Variants in SORBS2 observed in about 807,000 individuals in gnomAD.
SORBS2 encodes the protein sorbin and SH3 domain-containing protein 2.
Under a neutral mutation model 97.7 loss-of-function variants are expected in SORBS2, and 46 were observed. The observed-to-expected ratio is 0.47, with a 90% CI of 0.37 to 0.60. The LOEUF is 0.60. Among genes scored for constraint, SORBS2 ranks in the 20% least tolerant of loss-of-function variants. The probability of loss-of-function intolerance (pLI) is 0.00; values close to 1 mark genes in which losing one functional copy is unlikely to be tolerated. For missense variants in SORBS2, 1,316 were observed against 1,282.3 expected, an observed-to-expected ratio of 1.03 and a Z score of -0.40; for synonymous variants, 476 against 473.4, an observed-to-expected ratio of 1.01 and a Z score of -0.07.
At chr4:185,742,941 C>T (rs1424257719) in intron 2 of SORBS2, among the ~76,000 whole-genome samples, 1 of 152,194 alleles carries the variant, frequency 6.6e-6, no homozygotes, top group East Asian at 1.9e-4. Flanking sequence ...CAGCATGAGT[C>T]AGCACCATCC....
chr4:185,610,827 C>T (rs922167631), intron 12 of SORBS2, among the ~76,000 whole-genome samples: 2 of 151,954 alleles, frequency 1.3e-5, no homozygotes, highest in African/African-American at 4.8e-5. Flanking sequence ...AATTAGGCAA[C>T]TTAATACATT....
intron 11 of SORBS2, among the ~76,000 whole-genome samples, chr4:185,613,543 G>A (rs1360411651): frequency 6.6e-6 from 1 of 151,172 alleles, no homozygotes; most frequent in Non-Finnish European, 1.5e-5. Context: ...AGCTAATCGG[G>A]AGGCTGAGGT....
At chr4:185,657,314 G>A (rs1322718354), upstream of SORBS2, 1 of 1,026,614 alleles carries the variant, frequency 9.7e-7, no homozygotes, top group Non-Finnish European at 1.3e-6. Flanking sequence ...ATGGCACGGA[G>A]GGCAATCCTC....
chr4:185,712,353 C>G (rs1043546194), intron 2 of SORBS2, among the ~76,000 whole-genome samples: 4 of 152,134 alleles, frequency 2.6e-5, no homozygotes, highest in African/African-American at 9.7e-5. Context: ...ACCTACCTGC[C>G]CATCCCCTGT....
chr4:185,871,652 C>T (rs537841324), intron 1 of SORBS2, among the ~76,000 whole-genome samples: 95 of 152,348 alleles, frequency 6.2e-4, no homozygotes, highest in African/African-American at 2.2e-3. Flanking sequence ...TCCTCTATGA[C>T]AGCAAGTCTT....
intron 2 of SORBS2, among the ~76,000 whole-genome samples, chr4:185,700,923 T>C (rs1012462741): frequency 5.3e-5 from 8 of 152,308 alleles, no homozygotes; most frequent in African/African-American, 1.9e-4. Flanking sequence ...CCACCAAAAA[T>C]AGGCAAGAAA....
chr4:185,612,152 C>T (rs960920105), intron 11 of SORBS2, among the ~76,000 whole-genome samples, 172 bp from the exon 24 acceptor site: 2 of 152,180 alleles, frequency 1.3e-5, no homozygotes, highest in African/African-American at 4.8e-5. Flanking sequence ...TAGAAAAATA[C>T]ACATGATCAA....
At chr4:185,945,490 G>T (rs2099274120) in intron 1 of SORBS2, among the ~76,000 whole-genome samples, 1 of 152,158 alleles carries the variant, frequency 6.6e-6, no homozygotes, top group African/African-American at 2.4e-5. Context: ...CAAATCCCAA[G>T]TTATTTCCCG....
intron 1 of SORBS2, among the ~76,000 whole-genome samples, chr4:185,898,107 CTA>C (rs1225161171): frequency 6.6e-6 from 1 of 152,192 alleles, no homozygotes; most frequent in African/African-American, 2.4e-5. Flanking sequence ...AGCAAAGTGA[CTA>C]TAATCCAACC....
At chr4:185,860,380 C>T (rs1036313299) in intron 1 of SORBS2, among the ~76,000 whole-genome samples, 2 of 152,168 alleles carry the variant, frequency 1.3e-5, no homozygotes, top group Non-Finnish European at 1.5e-5. Flanking sequence ...AAAGAGAGCA[C>T]GTGACAAAGC....
At chr4:185,664,338 G>A (rs952805196) in intron 4 of SORBS2, among the ~76,000 whole-genome samples, 7 of 152,078 alleles carry the variant, frequency 4.6e-5, no homozygotes, top group African/African-American at 1.4e-4. Context: ...AGCTCTGCTC[G>A]TGCCCACAAG....
At chr4:185,816,508 A>G (rs1252285873) in intron 1 of SORBS2, among the ~76,000 whole-genome samples, 1 of 152,246 alleles carries the variant, frequency 6.6e-6, no homozygotes, top group Non-Finnish European at 1.5e-5. Flanking sequence ...ATGTCAAAAT[A>G]GGACATTGAT....
At chr4:185,649,642 G>T (rs1180631181) in exon 3 of SORBS2, 2 of 1,516,360 alleles carry the variant, frequency 1.3e-6, no homozygotes, top group Admixed American at 2.1e-5. Context: ...GCACTGTAGG[G>T]TGGGTTGTAC....
intron 4 of SORBS2, chr4:185,677,213 C>T (rs201527003): frequency 6.7e-5 from 104 of 1,551,468 alleles, no homozygotes; most frequent in Non-Finnish European, 8.1e-5. Flanking sequence ...TGAGAAATGA[C>T]GGTACTTCGA....
chr4:185,618,177 G>T (rs1023945429), intron 9 of SORBS2, among the ~76,000 whole-genome samples: 6 of 152,084 alleles, frequency 3.9e-5, no homozygotes, highest in African/African-American at 1.4e-4. Flanking sequence ...GTTTTGCCAT[G>T]TTGCCCAGGC....
intron 1 of SORBS2, among the ~76,000 whole-genome samples, chr4:185,915,159 C>A (rs1035135895): frequency 6.6e-6 from 1 of 152,166 alleles, no homozygotes; most frequent in Non-Finnish European, 1.5e-5. Context: ...CTTTTTTCGG[C>A]CTTTATACTG....
chr4:185,789,385 G>A (rs1473276721), intron 1 of SORBS2, among the ~76,000 whole-genome samples: 1 of 151,886 alleles, frequency 6.6e-6, no homozygotes, highest in East Asian at 1.9e-4. Context: ...AAGGTACTCA[G>A]GGATTCTATG....
At chr4:185,641,841 A>G (rs1040027639) in intron 4 of SORBS2, among the ~76,000 whole-genome samples, 9 of 152,098 alleles carry the variant, frequency 5.9e-5, no homozygotes, top group African/African-American at 2.2e-4. Flanking sequence ...CGTGTTCAAG[A>G]AAAGCTACAA....
At chr4:185,955,248 A>G (rs1235691233) in intron 1 of SORBS2, among the ~76,000 whole-genome samples, 2 of 152,172 alleles carry the variant, frequency 1.3e-5, no homozygotes, top group African/African-American at 4.8e-5. Context: ...GCCACCATTC[A>G]TAACCCAGTG....
Sources: allele counts gnomAD v4.1 joint callset (sites outside exome capture counted in the v4.1 genomes callset), GRCh38; gene constraint gnomAD v4.1.1; transcripts MANE v1.5; gene names NCBI Gene and HGNC (gene_info 2026-07-23, HGNC 2026-07-21).